Variants in COL9A1 observed in about 807,000 individuals in gnomAD.
The protein encoded by COL9A1 is collagen type IX alpha 1 chain.
COL9A1 carries 104 observed loss-of-function variants against 142.6 expected under a neutral mutation model. The observed-to-expected ratio is 0.73, with a 90% confidence interval of 0.62 to 0.86. The LOEUF (loss-of-function observed/expected upper bound fraction) is 0.86. COL9A1 is among the 40% of genes least tolerant of loss of function. The pLI is 0.00. For synonymous variants in COL9A1, 466 were observed against 396.0 expected (o/e 1.18, Z -2.10); for missense variants, 1,210 against 1,176.6 (o/e 1.03, Z -0.42).
chr6:70,226,420 C>T (rs1185800073), intron 36 of COL9A1, among the ~76,000 whole-genome samples: 1 of 152,078 alleles, frequency 6.6e-6, no homozygotes, highest in East Asian at 1.9e-4. Context: ...TAATATATAA[C>T]TTTTGGTTTG....
chr6:70,273,917 T>G (rs1198536010), intron 12 of COL9A1, 130 bp downstream of exon 12: 3 of 427,918 alleles, frequency 7.0e-6, no homozygotes, highest in Non-Finnish European at 1.1e-5. Flanking sequence ...AAACTGCACA[T>G]GTACCCTAAA....
At chr6:70,276,117 C>A (rs1772743325) in intron 10 of COL9A1, among the ~76,000 whole-genome samples, 1 of 152,060 alleles carries the variant, frequency 6.6e-6, no homozygotes, top group Non-Finnish European at 1.5e-5. Context: ...CACAAAAGAA[C>A]TTTTGACAGA....
intron 25 of COL9A1, among the ~76,000 whole-genome samples, chr6:70,253,735 G>A (rs1213630751): frequency 6.6e-6 from 1 of 152,140 alleles, no homozygotes; most frequent in Non-Finnish European, 1.5e-5. Flanking sequence ...ACCACTTTCA[G>A]GTCAAGAGGA....
At chr6:70,278,255 C>G (rs980294636) in intron 10 of COL9A1, among the ~76,000 whole-genome samples, 2 of 152,158 alleles carry the variant, frequency 1.3e-5, no homozygotes, top group Non-Finnish European at 2.9e-5. Context: ...TCGCTATTCT[C>G]TCTCATCTAT....
At chr6:70,223,958 G>A (rs1363284561) in intron 37 of COL9A1, among the ~76,000 whole-genome samples, 1 of 152,062 alleles carries the variant, frequency 6.6e-6, no homozygotes, top group Non-Finnish European at 1.5e-5. Flanking sequence ...AGTGAGAGGA[G>A]GGGAGAGATC....
intron 37 of COL9A1, among the ~76,000 whole-genome samples, chr6:70,220,341 C>A (rs1768792851): frequency 6.6e-6 from 1 of 151,300 alleles, no homozygotes; most frequent in Admixed American, 6.6e-5. Context: ...TATTTTCCTA[C>A]CTATTGATTT....
rs541679754 is a variant in COL9A1, at chr6:70,281,517, A to G, written c.802-53T>C. 32 of 1,474,280 alleles carry G rather than the reference A, an allele frequency of 2.2e-5. No individual in the cohort carries two copies. In the East Asian group the frequency reaches 7.3e-4, roughly 33 times the overall value. 91.3% of individuals were successfully genotyped at this position (1,474,280 alleles called of 1,614,324 possible). A position where few individuals can be genotyped will look rare whatever the true frequency, so the allele number is the denominator to read the frequency against. On this transcript the variant is annotated intron_variant, in intron 7 of 37. Transcript: ENST00000357250. ...TGGAGCACATCGGGCAACAGGGAGC[A>G]ACTGAGCGCGGTGCCCTGAAGCCCC...
In COL9A1 at chr6:70,281,595, A is replaced by G; in HGVS notation, c.802-131T>C. 8 of 653,450 alleles carry G rather than the reference A, an allele frequency of 1.2e-5. No homozygotes were observed. In the South Asian group the frequency reaches 1.4e-4, roughly 11 times the overall value. The allele number at this position is 653,450 out of a possible 1,614,324, so 40.5% of individuals were successfully genotyped here. A position where few individuals can be genotyped will look rare whatever the true frequency, so the allele number is the denominator to read the frequency against. ...CAGAGGAGGCCGGGTTTTGCAACCCAACGCAAAAATGTCTCAGACCTCCAA... is the reference window on the plus strand; with the variant it reads ...CAGAGGAGGCCGGGTTTTGCAACCCGACGCAAAAATGTCTCAGACCTCCAA... On this transcript the variant is annotated intron_variant, in intron 7 of 37. Transcript: ENST00000357250.
At chr6:70,278,488 G>A (rs1007514366) in intron 10 of COL9A1, among the ~76,000 whole-genome samples, 6 of 152,304 alleles carry the variant, frequency 3.9e-5, no homozygotes, top group African/African-American at 1.2e-4. Flanking sequence ...TGAGGAAAAA[G>A]TTCTGTGTAA....
At chr6:70,297,012 T>C (rs1161574265) in intron 4 of COL9A1, among the ~76,000 whole-genome samples, 2 of 152,090 alleles carry the variant, frequency 1.3e-5, no homozygotes, top group Admixed American at 6.5e-5. Context: ...CTATTTTGTT[T>C]CAGTTCTGGA....
At chr6:70,242,524 T>C in intron 29 of COL9A1, 138 bp downstream of exon 29, 2 of 824,504 alleles carry the variant, frequency 2.4e-6, no homozygotes, top group Non-Finnish European at 4.1e-6. Context: ...AAATTTCCCC[T>C]TTACATTGTT....
chr6:70,240,048 C>T (rs12194415), intron 32 of COL9A1, among the ~76,000 whole-genome samples: 22,374 of 152,086 alleles, frequency 0.15, 2,011 homozygotes, highest in Non-Finnish European at 0.21. Context: ...AATCTATTAC[C>T]CTACCCCAAA....
intron 7 of COL9A1, among the ~76,000 whole-genome samples, chr6:70,282,121 A>C (rs1773202643): frequency 6.6e-6 from 1 of 152,194 alleles, no homozygotes; most frequent in African/African-American, 2.4e-5. Flanking sequence ...GCTTGCAAAC[A>C]GCTGCGTTTT....
chr6:70,216,986 C>G lies in COL9A1; in HGVS notation c.2677G>C (p.Gly893Arg). 1 of 1,614,114 alleles carries G rather than the reference C, an allele frequency of 6.2e-7. No individual in the cohort carries two copies. The highest frequency in any genetic ancestry group is 8.5e-7 in the Non-Finnish European group (1 of 1,180,000). ...CAGAAACCGGGAAGCCCAGGAGGTC[C>G]CGGGGGTCCAGGCACTCCAGGAATT... The part of the protein sequence containing the change: ...AGIPGVPGPP[G>R]PPGLPGFCEP... Residue 893 changes from glycine (G) to arginine (R), a missense_variant, in exon 38 of 38, where the codon GGA becomes CGA. Physicochemically the swap from Gly to Arg is moderately radical, Grantham distance 125. Coordinates refer to ENST00000357250, the MANE Select transcript of COL9A1 (RefSeq NM_001851.6).
chr6:70,288,553 A>T (rs1219340249), intron 5 of COL9A1, among the ~76,000 whole-genome samples: 1 of 152,162 alleles, frequency 6.6e-6, no homozygotes, highest in Non-Finnish European at 1.5e-5. Flanking sequence ...GTACTAACAC[A>T]ATTTCTCAAC....
At chr6:70,280,504 T>C in intron 10 of COL9A1, 2 of 1,337,892 alleles carry the variant, frequency 1.5e-6, no homozygotes, top group Non-Finnish European at 1.9e-6. Flanking sequence ...CTGGCCCCAG[T>C]GGGGCTGAGA....
chr6:70,301,966 G>C, intron 2 of COL9A1, 35 bp downstream of exon 2: 1 of 1,535,634 alleles, frequency 6.5e-7, no homozygotes, highest in Non-Finnish European at 9.0e-7. Flanking sequence ...CTGGGAATAA[G>C]TGATCTTTGA....
chr6:70,262,246 T>C (rs1229082034), intron 19 of COL9A1, among the ~76,000 whole-genome samples: 1 of 151,908 alleles, frequency 6.6e-6, no homozygotes, highest in Non-Finnish European at 1.5e-5. Context: ...GTGTCTCATA[T>C]GGCAAACACT....
chr6:70,226,246 C>A (rs868727699), intron 36 of COL9A1, among the ~76,000 whole-genome samples: 2 of 152,100 alleles, frequency 1.3e-5, no homozygotes, highest in Non-Finnish European at 2.9e-5. Context: ...CAAAATTGAA[C>A]ATGCATTCTT....
Sources: gnomAD v4.1 joint callset for allele counts (sites outside exome capture counted in the v4.1 genomes callset) on GRCh38, gnomAD v4.1.1 for gene constraint, MANE v1.5 for transcripts, NCBI Gene and HGNC (gene_info 2026-07-23, HGNC 2026-07-21) for gene names.